The following IQCM variants were observed in gnomAD, a reference collection of about 807,000 sequenced individuals.
The protein encoded by IQCM is IQ domain-containing protein M.
Under a neutral mutation model 57.6 loss-of-function variants are expected in IQCM, and 45 were observed. That is an observed-to-expected ratio of 0.78 (90% CI 0.62 to 1.00). The LOEUF (loss-of-function observed/expected upper bound fraction) is 1.00, where lower values mean the gene tolerates loss of function less well. Ranked by LOEUF, IQCM falls within the 50% of genes least tolerant of loss-of-function variation. The probability of loss-of-function intolerance (pLI) is 0.00; values close to 1 mark genes in which losing one functional copy is unlikely to be tolerated. For missense variants in IQCM, 468 were observed against 511.6 expected (o/e 0.91, Z 0.82); for synonymous variants, 148 against 158.9 (o/e 0.93, Z 0.51).
chr4:149,423,039 T>C (rs13111606), intron 13 of IQCM, among the ~76,000 whole-genome samples: 11 of 152,034 alleles, frequency 7.2e-5, no homozygotes, highest in Non-Finnish European at 1.6e-4. Context: ...AGTAAACAAA[T>C]GCATTATTTT....
intron 7 of IQCM, among the ~76,000 whole-genome samples, chr4:149,634,407 T>G (rs530936137): frequency 6.6e-6 from 1 of 152,342 alleles, no homozygotes; most frequent in East Asian, 1.9e-4. Context: ...CCCATTGCCT[T>G]GTATTGTAGA....
chr4:149,631,192 A>C (rs1222401282), intron 7 of IQCM, among the ~76,000 whole-genome samples: 2 of 152,136 alleles, frequency 1.3e-5, no homozygotes, highest in Non-Finnish European at 2.9e-5. Flanking sequence ...CTGCTGGAGG[A>C]ATTCAGGGCA....
chr4:149,800,819 T>C (rs1282719217), intron 2 of IQCM, among the ~76,000 whole-genome samples: 19 of 151,780 alleles, frequency 1.3e-4, no homozygotes, highest in Admixed American at 1.2e-3. Context: ...AAAACACTAA[T>C]GAGAGAATTG....
chr4:149,549,511 C>T lies in IQCM; in HGVS notation c.1094-922G>A, dbSNP rs554871317. Among the ~76,000 whole-genome samples the T allele has an allele frequency of 5.1e-4, 77 of 152,154 alleles. 1 individual carries two copies. The South Asian group carries it at 0.015, about 30-fold the overall frequency. ...CCAGCCTGGGCGACAGAGCGAGACT[C>T]CGTCTCAAAAAAAAAGAAAATTGAT... On this transcript the variant is annotated intron_variant, in intron 11 of 13. Coordinates refer to ENST00000636793, the MANE Select transcript of IQCM (RefSeq NM_001363507.2).
chr4:149,575,615 A>C (rs1426084181), intron 9 of IQCM, among the ~76,000 whole-genome samples: 3 of 151,820 alleles, frequency 2.0e-5, no homozygotes, highest in Non-Finnish European at 4.4e-5. Context: ...CAATCCCCAA[A>C]AAACAAGTGC....
intron 13 of IQCM, among the ~76,000 whole-genome samples, chr4:149,400,020 C>CCA (rs1732501871): frequency 6.6e-6 from 1 of 151,884 alleles, no homozygotes; most frequent in South Asian, 2.1e-4. Context: ...ATTGCAGACT[C>CCA]TGGATTGGCG....
intron 13 of IQCM, among the ~76,000 whole-genome samples, chr4:149,358,844 C>CAGTATATCATGATTTACTCTCATG (rs1729210905): frequency 9.3e-6 from 1 of 108,028 alleles, no homozygotes; most frequent in Non-Finnish European, 2.0e-5. Context: ...GCACAGTGGA[C>CAGTATATCATGATTTACTCTCATG]AGTATATCAT....
chr4:149,810,922 A>T (rs1209765161), intron 2 of IQCM, among the ~76,000 whole-genome samples: 1 of 152,154 alleles, frequency 6.6e-6, no homozygotes, highest in Non-Finnish European at 1.5e-5. Context: ...TATGTAACAT[A>T]TCTGCCAATT....
At chr4:149,390,886 T>G (rs185406510) in intron 13 of IQCM, among the ~76,000 whole-genome samples, 113 of 152,014 alleles carry the variant, frequency 7.4e-4, no homozygotes, top group Middle Eastern at 6.8e-3. Flanking sequence ...GTTTTGTTTT[T>G]TTTTTCTTTA....
At chr4:149,674,560 C>G (rs919565664) in intron 7 of IQCM, among the ~76,000 whole-genome samples, 1 of 152,002 alleles carries the variant, frequency 6.6e-6, no homozygotes, top group African/African-American at 2.4e-5. Context: ...CAGGGATGGC[C>G]TTACTGTTAG....
chr4:149,782,745 A>T (rs114206466), intron 2 of IQCM, among the ~76,000 whole-genome samples: 3,396 of 152,210 alleles, frequency 0.022, 65 homozygotes, highest in South Asian at 0.036. Context: ...TGATACCTTT[A>T]AAAAAGCAAG....
intron 12 of IQCM, among the ~76,000 whole-genome samples, chr4:149,494,524 G>A (rs962418105): frequency 4.6e-5 from 7 of 152,060 alleles, no homozygotes; most frequent in African/African-American, 1.7e-4. Context: ...TTGTGCCCAA[G>A]AAACCAGCAA....
intron 12 of IQCM, among the ~76,000 whole-genome samples, chr4:149,494,277 A>G (rs568306572): frequency 6.6e-6 from 1 of 152,228 alleles, no homozygotes; most frequent in African/African-American, 2.4e-5. Context: ...ATTTACAACA[A>G]TTGCAACAAG....
chr4:149,696,986 T>C (rs1333573703), intron 5 of IQCM, among the ~76,000 whole-genome samples: 1 of 152,164 alleles, frequency 6.6e-6, no homozygotes, highest in Non-Finnish European at 1.5e-5. Context: ...TCATTATCTC[T>C]TTCCTAGATT....
chr4:149,586,977 A>G (rs1290394691), intron 9 of IQCM, among the ~76,000 whole-genome samples: 3 of 151,740 alleles, frequency 2.0e-5, no homozygotes, highest in Non-Finnish European at 4.4e-5. Context: ...TCTTTTCTAC[A>G]CATGCACAAT....
chr4:149,516,896 G>T (rs1206797770), intron 12 of IQCM, among the ~76,000 whole-genome samples: 6 of 151,960 alleles, frequency 3.9e-5, no homozygotes, highest in African/African-American at 1.5e-4. Context: ...TACAGTGTTG[G>T]CTGGGGTGAT....
intron 13 of IQCM, among the ~76,000 whole-genome samples, chr4:149,418,556 T>C (rs1393371633): frequency 2.0e-5 from 3 of 151,992 alleles, no homozygotes; most frequent in African/African-American, 4.8e-5. Context: ...CTCCAAAGAA[T>C]TGAAAAGAAG....
At chr4:149,787,119 G>A (rs549952740) in intron 2 of IQCM, among the ~76,000 whole-genome samples, 2 of 152,116 alleles carry the variant, frequency 1.3e-5, no homozygotes, top group Non-Finnish European at 2.9e-5. Context: ...AAAAGTGGGA[G>A]TTGAACATTG....
At chr4:149,491,311 C>G (rs1579245559) in intron 12 of IQCM, among the ~76,000 whole-genome samples, 3 of 152,164 alleles carry the variant, frequency 2.0e-5, no homozygotes, top group Admixed American at 2.0e-4. Flanking sequence ...AAATTATTCT[C>G]TTAGCAATTT....
Sources: gnomAD v4.1 joint callset for allele counts (sites outside exome capture counted in the v4.1 genomes callset) on GRCh38, gnomAD v4.1.1 for gene constraint, MANE v1.5 for transcripts, NCBI Gene and HGNC (gene_info 2026-07-23, HGNC 2026-07-21) for gene names.